The following RAB32 variants were observed in gnomAD, a reference collection of about 807,000 sequenced individuals.
The protein encoded by RAB32 is RAB32, member RAS oncogene family.
A neutral mutation model predicts 17.5 loss-of-function variants in RAB32; 17 were observed. That is an observed-to-expected ratio of 0.97 (90% CI 0.67 to 1.46). The LOEUF (loss-of-function observed/expected upper bound fraction) is 1.46. Among genes scored for constraint, RAB32 ranks in the 40% most tolerant of loss-of-function variants. The probability of loss-of-function intolerance (pLI) is 0.00; values close to 1 mark genes in which losing one functional copy is unlikely to be tolerated. For missense variants in RAB32, 288 were observed against 284.3 expected (o/e 1.01, Z -0.09); for synonymous variants, 115 against 111.1 (o/e 1.04, Z -0.22).
chr6:146,551,942 T>C (rs1779903209), intron 2 of RAB32, among the ~76,000 whole-genome samples: 1 of 152,120 alleles, frequency 6.6e-6, no homozygotes. Flanking sequence ...AGAATAACAG[T>C]AATAAAAAAA....
chr6:146,549,394 A>AG, intron 1 of RAB32, 70 bp from the exon 2 acceptor site: 1 of 1,304,680 alleles, frequency 7.7e-7, no homozygotes, highest in Non-Finnish European at 1.1e-6. Context: ...TTGGGGTAAA[A>AG]GGGGTTATAC....
intron 1 of RAB32, among the ~76,000 whole-genome samples, chr6:146,546,571 C>T (rs1304629944): frequency 2.0e-5 from 3 of 152,202 alleles, no homozygotes; most frequent in Middle Eastern, 3.4e-3. Context: ...TCAGCTCATA[C>T]CATTTGAATT....
intron 2 of RAB32, among the ~76,000 whole-genome samples, chr6:146,552,431 A>C (rs1458008621): frequency 2.0e-5 from 3 of 152,182 alleles, no homozygotes; most frequent in Non-Finnish European, 4.4e-5. Flanking sequence ...CAGCTGTTTT[A>C]GGTTTCTTGT....
At chr6:146,553,176 TAATA>T (rs1779917153) in intron 2 of RAB32, among the ~76,000 whole-genome samples, 1 of 152,296 alleles carries the variant, frequency 6.6e-6, no homozygotes, top group Middle Eastern at 3.4e-3. Context: ...GAATTCCAGC[TAATA>T]AATGTAGAAG....
chr6:146,544,045 C>A lies in RAB32; in HGVS notation c.174C>A (p.Ile58=), dbSNP rs142273767. 488 of 1,613,926 alleles carry A rather than the reference C, an allele frequency of 3.0e-4. 1 individual carries two copies. The African/African-American group carries it at 5.9e-3, about 19-fold the overall frequency. ...QLFSQHYRAT[I]GVDFALKVLN... ...TCTCCCAGCACTACCGGGCCACCATCGGGGTGGACTTCGCCCTCAAGGTCC... is the reference window on the plus strand; with the variant it reads ...TCTCCCAGCACTACCGGGCCACCATAGGGGTGGACTTCGCCCTCAAGGTCC... Residue 58 remains isoleucine, a synonymous_variant, in exon 1 of 3, where the codon ATC becomes ATA. Coordinates refer to ENST00000367495, the MANE Select transcript of RAB32 (RefSeq NM_006834.5).
At chr6:146,551,811 A>C (rs950310944) in intron 2 of RAB32, among the ~76,000 whole-genome samples, 2 of 152,182 alleles carry the variant, frequency 1.3e-5, no homozygotes, top group Non-Finnish European at 2.9e-5. Flanking sequence ...TTACACGCAG[A>C]GGTGAAAGGT....
intron 1 of RAB32, among the ~76,000 whole-genome samples, chr6:146,544,802 A>C (rs1415188056): frequency 2.4e-4 from 14 of 58,008 alleles, no homozygotes; most frequent in African/African-American, 8.7e-4. Flanking sequence ...TCCTCAATAC[A>C]GTGTTTCTCT....
chr6:146,552,677 C>G (rs1562731958), intron 2 of RAB32, among the ~76,000 whole-genome samples: 1 of 152,104 alleles, frequency 6.6e-6, no homozygotes, highest in Non-Finnish European at 1.5e-5. Context: ...CTAGCCATAC[C>G]TGCTGAGAGG....
At chr6:146,554,262 A>T (rs1442498174) in intron 2 of RAB32, among the ~76,000 whole-genome samples, 194 bp from the exon 3 acceptor site, 4 of 152,192 alleles carry the variant, frequency 2.6e-5, no homozygotes, top group Non-Finnish European at 4.4e-5. Flanking sequence ...CATAAAAATA[A>T]GGGAATTCTT....
chr6:146,544,319 A>G (rs1779793863), intron 1 of RAB32, among the ~76,000 whole-genome samples, 198 bp downstream of exon 1: 1 of 152,082 alleles, frequency 6.6e-6, no homozygotes, highest in Non-Finnish European at 1.5e-5. Context: ...GATGGGCAGT[A>G]GGAGTTGGAG....
At chr6:146,544,909 G>C (rs1011732408) in intron 1 of RAB32, among the ~76,000 whole-genome samples, 1 of 151,702 alleles carries the variant, frequency 6.6e-6, no homozygotes, top group Admixed American at 6.6e-5. Flanking sequence ...GTTGGGAGTG[G>C]GCGTTTTAAA....
Position 146,543,978 on chromosome 6 carries a change from T to A in RAB32, c.107T>A (p.Val36Glu), listed in dbSNP as rs932625862. The change falls in exon 1 of 3, where the codon GTG (valine) becomes GAG (glutamate). Residue 36 changes from valine (V) to glutamate (E), a missense_variant. Coordinates refer to ENST00000367495, the MANE Select transcript of RAB32 (RefSeq NM_006834.5). ...FKVLVIGELG[V>E]GKTSIIKRYV... ...GTGCTGGTGATCGGCGAGCTTGGCG[T>A]GGGCAAGACCAGCATCATCAAGCGC... is the stretch of plus-strand genomic sequence containing the variant. 1 of 1,613,428 alleles carries A rather than the reference T, an allele frequency of 6.2e-7. No individual in the cohort carries two copies.
intron 2 of RAB32, among the ~76,000 whole-genome samples, chr6:146,552,158 A>G (rs750749825): frequency 5.3e-5 from 8 of 152,202 alleles, no homozygotes; most frequent in Non-Finnish European, 8.8e-5. Flanking sequence ...GATTTCTAAT[A>G]TGAAACTTTA....
chr6:146,549,571 T>C lies in RAB32; in HGVS notation c.358T>C (p.Trp120Arg). ...TTCCACATTTGAGGCAGTCTTAAAATGGAAAAGTGATCTGGATAGTAAAGT... is the reference window on the plus strand; with the variant it reads ...TTCCACATTTGAGGCAGTCTTAAAACGGAAAAGTGATCTGGATAGTAAAGT... Reference protein sequence around the residue: ...RSSTFEAVLKWKSDLDSKVHL... With the variant: ...RSSTFEAVLKRKSDLDSKVHL... The change falls in exon 2 of 3, where the codon TGG (tryptophan) becomes CGG (arginine). Residue 120 changes from tryptophan to arginine, a missense_variant. By Grantham distance (101) the Trp-to-Arg change is moderately radical (BLOSUM62 -3). Transcript: ENST00000367495. 6.2e-7 allele frequency: 1 copy of C among 1,614,184 alleles called. No individual in the cohort carries two copies. The highest frequency in any genetic ancestry group is 1.7e-5 in the Admixed American group (1 of 60,024).
chr6:146,548,742 A>C (rs1280836774), intron 1 of RAB32, among the ~76,000 whole-genome samples: 1 of 152,198 alleles, frequency 6.6e-6, no homozygotes, highest in East Asian at 1.9e-4. Context: ...GTACAATAGC[A>C]GATAGTAAGA....
At chr6:146,551,758 G>C (rs1020101776) in intron 2 of RAB32, among the ~76,000 whole-genome samples, 1 of 152,142 alleles carries the variant, frequency 6.6e-6, no homozygotes, top group Non-Finnish European at 1.5e-5. Context: ...CTAGTAGCTT[G>C]TGACTGTGTA....
At chr6:146,544,148 C>A (rs770579599) in intron 1 of RAB32, 27 bp downstream of exon 1, 2 of 1,586,486 alleles carry the variant, frequency 1.3e-6, no homozygotes. Flanking sequence ...GTTTCCCACT[C>A]CAGAGCCCCG....
chr6:146,554,876 A>T lies in RAB32; in HGVS notation c.*271A>T. ...TCCTTTTAAACATTTTTATATGACA[A>T]TTCCTCAGGATTTGGTAAGGCTTCC... On this transcript the variant is annotated 3_prime_UTR_variant, in exon 3 of 3. Transcript: ENST00000367495. 2 of 261,604 alleles carry T rather than the reference A, an allele frequency of 7.6e-6. No homozygotes were observed. The highest frequency in any genetic ancestry group is 1.4e-5 in the Non-Finnish European group (2 of 138,242). The allele number at this position is 261,604 out of a possible 1,614,324, so 16.2% of individuals were successfully genotyped here. A position where few individuals can be genotyped will look rare whatever the true frequency, so the allele number is the denominator to read the frequency against.
At chr6:146,546,842 A>G (rs2114782405) in intron 1 of RAB32, among the ~76,000 whole-genome samples, 2 of 129,848 alleles carry the variant, frequency 1.5e-5, no homozygotes, top group East Asian at 2.3e-4. Context: ...TGAAGAAATT[A>G]TGACGAATCT....
Sources: gnomAD v4.1 joint callset for allele counts (sites outside exome capture counted in the v4.1 genomes callset) on GRCh38, gnomAD v4.1.1 for gene constraint, MANE v1.5 for transcripts, NCBI Gene and HGNC (gene_info 2026-07-23, HGNC 2026-07-21) for gene names.